Variants in APBA2 observed in about 807,000 individuals in gnomAD.
APBA2 encodes amyloid-beta A4 precursor protein-binding family A member 2.
APBA2 carries 30 observed loss-of-function variants against 75.0 expected under a neutral mutation model. The ratio of observed to expected loss-of-function variants is 0.40; its 90% CI spans 0.30 to 0.54. APBA2 has a LOEUF of 0.54. APBA2 is among the 20% of genes least tolerant of loss of function. APBA2 has a pLI of 0.49. For synonymous variants in APBA2, 444 were observed against 409.6 expected (o/e 1.08, Z -1.01); for missense variants, 801 against 1,016.1 (o/e 0.79, Z 2.88).
intron 1 of APBA2, among the ~76,000 whole-genome samples, chr15:28,897,617 CAA>C (rs370287342): frequency 5.1e-5 from 4 of 78,786 alleles, no homozygotes; most frequent in African/African-American, 1.1e-4. Flanking sequence ...GATTCCGTCT[CAA>C]AAAAAAAAAA....
chr15:28,890,367 G>A (rs1026356797), intron 1 of APBA2, among the ~76,000 whole-genome samples: 3 of 152,220 alleles, frequency 2.0e-5, no homozygotes, highest in African/African-American at 7.2e-5. Context: ...AGTCAGCTCT[G>A]TGTCTCCCTG....
At chr15:28,981,637 C>G (rs1386329825) in intron 2 of APBA2, among the ~76,000 whole-genome samples, 1 of 152,152 alleles carries the variant, frequency 6.6e-6, no homozygotes, top group East Asian at 1.9e-4. Context: ...ACATTTGACC[C>G]AGCAATCCCA....
intron 1 of APBA2, among the ~76,000 whole-genome samples, chr15:28,889,209 C>T (rs1407433466): frequency 2.0e-5 from 3 of 152,194 alleles, no homozygotes; most frequent in South Asian, 4.1e-4. Flanking sequence ...CGTCTTTTCT[C>T]GCCTCCCCTG....
intron 4 of APBA2, among the ~76,000 whole-genome samples, chr15:29,068,688 C>G (rs2042484832): frequency 6.6e-6 from 1 of 152,200 alleles, no homozygotes; most frequent in African/African-American, 2.4e-5. Flanking sequence ...TGACCCACCC[C>G]CTCCCCTGGA....
intron 2 of APBA2, among the ~76,000 whole-genome samples, chr15:28,934,480 C>T (rs866078526): frequency 4.6e-5 from 7 of 152,150 alleles, no homozygotes; most frequent in Admixed American, 1.3e-4. Context: ...AGAGGCAGGA[C>T]GAAGACCTTG....
At chr15:29,038,665 A>ATTTT (rs67217686) in intron 3 of APBA2, among the ~76,000 whole-genome samples, 30 of 105,462 alleles carry the variant, frequency 2.8e-4, no homozygotes, top group African/African-American at 4.4e-4. Flanking sequence ...ATATGCAGGC[A>ATTTT]TTTTTTTTTT....
chr15:29,001,371 C>T (rs527929662), intron 3 of APBA2, among the ~76,000 whole-genome samples: 2 of 152,246 alleles, frequency 1.3e-5, no homozygotes, highest in East Asian at 3.9e-4. Flanking sequence ...CCACCATGCC[C>T]AGCTAATTTT....
chr15:28,891,914 G>T (rs555440568), intron 1 of APBA2, among the ~76,000 whole-genome samples: 9 of 152,148 alleles, frequency 5.9e-5, no homozygotes, highest in Admixed American at 2.0e-4. Context: ...TAAAGTTGTA[G>T]TGCAGTTACT....
In APBA2 at chr15:29,027,984, GT is replaced by G. The variant is rs34952006; in HGVS notation, c.-40-25850del. On this transcript the variant is annotated intron_variant, in intron 3 of 14. Transcript: ENST00000683413. ...TATTTTATACATTAACACTCTTTTC[GT>G]TTTTTTTTTTAATTTAATTTTTAAG... Among the ~76,000 whole-genome samples, 1,215 of 145,918 alleles carry G rather than the reference GT, an allele frequency of 8.3e-3. 23 individuals carry two copies. Among genetic ancestry groups the G allele is most frequent in the African/African-American group, 0.028 (1,111 of 39,890 alleles).
chr15:29,066,422 A>G (rs1292441040), intron 4 of APBA2, among the ~76,000 whole-genome samples: 1 of 152,218 alleles, frequency 6.6e-6, no homozygotes, highest in African/African-American at 2.4e-5. Flanking sequence ...ACAAACCTTG[A>G]AGACGTCCTG....
Position 29,098,671 on chromosome 15 carries a change from C to T in APBA2, c.1338+95C>T, listed in dbSNP as rs1157413228. ...TAGGCCCTCGTTCTCAGCAGCTTCT[C>T]TCCTGTGCTCTCTGCGCCCATCAAC... On this transcript the variant is annotated intron_variant, in intron 9 of 14. Transcript: ENST00000683413. 5 of 1,019,406 alleles carry T rather than the reference C, an allele frequency of 4.9e-6. No homozygotes were observed. The East Asian group carries it at 7.3e-5, about 15-fold the overall frequency. 63.1% of individuals were successfully genotyped at this position (1,019,406 alleles called of 1,614,324 possible).
chr15:29,027,691 C>A (rs999900350), intron 3 of APBA2, among the ~76,000 whole-genome samples: 1 of 151,884 alleles, frequency 6.6e-6, no homozygotes, highest in East Asian at 1.9e-4. Flanking sequence ...CAGCCTCCGC[C>A]TCCCGGGTTC....
chr15:29,040,754 G>A (rs1054300439), intron 3 of APBA2, among the ~76,000 whole-genome samples: 3 of 152,166 alleles, frequency 2.0e-5, no homozygotes, highest in African/African-American at 2.4e-5. Flanking sequence ...GGGTTAAAAT[G>A]TACATATTAA....
intron 1 of APBA2, among the ~76,000 whole-genome samples, chr15:28,915,358 A>G (rs1301098447): frequency 6.7e-6 from 1 of 149,352 alleles, no homozygotes; most frequent in Non-Finnish European, 1.5e-5. Context: ...TGCCACACAT[A>G]CCACACACAC....
intron 3 of APBA2, among the ~76,000 whole-genome samples, chr15:29,036,232 T>TA (rs59241016): frequency 7.2e-6 from 1 of 138,698 alleles, no homozygotes; most frequent in African/African-American, 2.6e-5. Context: ...TATATATATA[T>TA]TTTTTGTCTT....
chr15:28,894,102 A>G (rs942449266), intron 1 of APBA2: 5 of 152,194 alleles, frequency 3.3e-5, no homozygotes, highest in African/African-American at 1.2e-4. Flanking sequence ...AGTGGAAACA[A>G]AGGGGTGCGG....
intron 3 of APBA2, among the ~76,000 whole-genome samples, chr15:29,022,976 T>C (rs1191210193): frequency 6.6e-6 from 1 of 152,220 alleles, no homozygotes; most frequent in African/African-American, 2.4e-5. Flanking sequence ...TTTTTTATTA[T>C]TACATTTTCT....
chr15:28,895,226 G>A (rs1250743709), intron 1 of APBA2, among the ~76,000 whole-genome samples: 6 of 152,356 alleles, frequency 3.9e-5, no homozygotes, highest in Middle Eastern at 6.8e-3. Context: ...CCAGTGTGCA[G>A]GGGTGTGGGT....
chr15:29,114,000 C>A lies in APBA2; in HGVS notation c.2162C>A (p.Ser721Tyr). ...CACGAGAAGATAGTCCAAGCTCTGT[C>A]CAACTCGGTCGGAGAGGTAAGGAGG... ...TAHEKIVQAL[S>Y]NSVGEIHMKT... The change falls in exon 14 of 15, where the codon TCC becomes TAC. Residue 721 changes from serine to tyrosine, a missense_variant. This residue lies in a region of APBA2 where 367 missense variants were observed against 544.5 expected (regional missense o/e 0.67). Coordinates refer to ENST00000683413, the MANE Select transcript of APBA2 (RefSeq NM_001353788.2). The A allele has an allele frequency of 6.2e-7, 1 of 1,613,844 alleles. No individual in the cohort carries two copies.
Sources: gnomAD v4.1 joint callset for allele counts (sites outside exome capture counted in the v4.1 genomes callset) on GRCh38, gnomAD v4.1.1 for gene constraint, gnomAD v4.1.1 regional missense constraint, MANE v1.5 for transcripts, NCBI Gene and HGNC (gene_info 2026-07-23, HGNC 2026-07-21) for gene names.